Variants in SSBP2 observed in about 807,000 individuals in gnomAD.
The protein encoded by SSBP2 is single stranded DNA binding protein 2.
A neutral mutation model predicts 61.8 loss-of-function variants in SSBP2; 17 were observed. The ratio of observed to expected loss-of-function variants is 0.28; its 90% CI spans 0.19 to 0.41. SSBP2 has a LOEUF of 0.41. SSBP2 is among the 10% of genes least tolerant of loss of function. The pLI is 1.00. For synonymous variants in SSBP2, 139 were observed against 141.3 expected (o/e 0.98, Z 0.12); for missense variants, 310 against 458.7 (o/e 0.68, Z 2.96).
chr5:81,670,802 C>T (rs1231893692), intron 1 of SSBP2, among the ~76,000 whole-genome samples: 1 of 152,126 alleles, frequency 6.6e-6, no homozygotes, highest in Non-Finnish European at 1.5e-5. Flanking sequence ...TTACCTTCTT[C>T]TTTAATGTTT....
intron 6 of SSBP2, among the ~76,000 whole-genome samples, chr5:81,486,618 T>C (rs1389018192): frequency 6.6e-6 from 1 of 152,174 alleles, no homozygotes; most frequent in Non-Finnish European, 1.5e-5. Flanking sequence ...AGATGCACAT[T>C]TCTTTAAAAA....
intron 4 of SSBP2, among the ~76,000 whole-genome samples, chr5:81,608,597 T>C (rs1745112625): frequency 6.6e-6 from 1 of 152,208 alleles, no homozygotes; most frequent in East Asian, 1.9e-4. Context: ...TGACATGTCC[T>C]TAACTTCTCC....
intron 4 of SSBP2, among the ~76,000 whole-genome samples, chr5:81,548,665 G>C (rs559773713): frequency 6.6e-6 from 1 of 152,304 alleles, no homozygotes; most frequent in Admixed American, 6.5e-5. Flanking sequence ...GCTCACGCCT[G>C]TAATCCCAGC....
At chr5:81,561,549 C>T (rs928746923) in intron 4 of SSBP2, among the ~76,000 whole-genome samples, 1 of 151,880 alleles carries the variant, frequency 6.6e-6, no homozygotes, top group East Asian at 1.9e-4. Context: ...AGTTAATTCT[C>T]TTCTACTAAG....
chr5:81,537,344 A>G (rs2154113269), intron 4 of SSBP2, among the ~76,000 whole-genome samples: 1 of 152,264 alleles, frequency 6.6e-6, no homozygotes, highest in African/African-American at 2.4e-5. Context: ...GACAATTCTC[A>G]TATGAATTTG....
chr5:81,454,579 C>A (rs989442555), intron 10 of SSBP2, among the ~76,000 whole-genome samples: 2 of 151,678 alleles, frequency 1.3e-5, no homozygotes, highest in African/African-American at 2.4e-5. Context: ...TACTCGGGAG[C>A]CTGAGACAAG....
At chr5:81,750,767 G>T in intron 1 of SSBP2, 1 of 564,516 alleles carries the variant, frequency 1.8e-6, no homozygotes, top group South Asian at 2.1e-5. Context: ...CCCTCCCGCC[G>T]ACAGCCCCCT....
In SSBP2 at chr5:81,698,977, C is replaced by T. The variant is rs148919353; in HGVS notation, c.63-48638G>A. Among the ~76,000 whole-genome samples the T allele has an allele frequency of 2.0e-5, 3 of 152,314 alleles. No homozygotes were observed. The East Asian group carries it at 5.8e-4, about 29-fold the overall frequency. Reference sequence around the variant, plus strand: ...CATATACTGTGGGTTCAGTTCCAGACCACTGCAGTAAAGTGAACACTACAA... The same window carrying T: ...CATATACTGTGGGTTCAGTTCCAGATCACTGCAGTAAAGTGAACACTACAA... On this transcript the variant is annotated intron_variant, in intron 1 of 16. Coordinates refer to ENST00000320672, the MANE Select transcript of SSBP2 (RefSeq NM_012446.5).
intron 2 of SSBP2, among the ~76,000 whole-genome samples, chr5:81,639,204 A>C (rs1010884269): frequency 2.0e-5 from 3 of 152,242 alleles, no homozygotes; most frequent in African/African-American, 7.2e-5. Flanking sequence ...AGAAGAAGAC[A>C]TAAGTCTCTC....
At chr5:81,590,061 T>A (rs1180205107) in intron 4 of SSBP2, among the ~76,000 whole-genome samples, 1 of 152,122 alleles carries the variant, frequency 6.6e-6, no homozygotes, top group Admixed American at 6.5e-5. Context: ...GGACCTATAT[T>A]TTTCTACTTC....
chr5:81,658,401 C>T (rs390171), intron 1 of SSBP2, among the ~76,000 whole-genome samples: 73,249 of 151,956 alleles, frequency 0.48, 20,128 homozygotes, highest in African/African-American at 0.74. Flanking sequence ...CCCCCACAGA[C>T]ACCAAAATCC....
chr5:81,750,373 C>G, intron 1 of SSBP2, among the ~76,000 whole-genome samples: 1 of 146,504 alleles, frequency 6.8e-6, no homozygotes, highest in South Asian at 2.1e-4. Context: ...CGCGTCTCCG[C>G]GCCCCGCGGG....
intron 4 of SSBP2, among the ~76,000 whole-genome samples, chr5:81,539,278 C>A (rs1020150360): frequency 2.0e-5 from 3 of 152,074 alleles, no homozygotes; most frequent in African/African-American, 7.2e-5. Flanking sequence ...ACAAGTGGAG[C>A]CTGAAGATGT....
At chr5:81,623,601 C>G (rs1463115582) in intron 3 of SSBP2, among the ~76,000 whole-genome samples, 1 of 152,064 alleles carries the variant, frequency 6.6e-6, no homozygotes, top group African/African-American at 2.4e-5. Context: ...TCCCAAAGTG[C>G]TGGGATTACA....
chr5:81,586,891 A>C (rs539041769), intron 4 of SSBP2, among the ~76,000 whole-genome samples: 2 of 152,054 alleles, frequency 1.3e-5, no homozygotes, highest in East Asian at 1.9e-4. Context: ...GATCAGCCCC[A>C]GTAAAAATCT....
intron 1 of SSBP2, among the ~76,000 whole-genome samples, chr5:81,675,893 A>G (rs1424011824): frequency 6.6e-6 from 1 of 152,056 alleles, no homozygotes; most frequent in Non-Finnish European, 1.5e-5. Flanking sequence ...TAAAATATCA[A>G]CATTCCCTAA....
chr5:81,650,358 AT>A lies in SSBP2; in HGVS notation c.63-20del. 6.8e-7 allele frequency: 1 copy of A among 1,475,356 alleles called. No homozygotes were observed. The highest frequency in any genetic ancestry group is 9.2e-7 in the Non-Finnish European group (1 of 1,088,712). The allele number at this position is 1,475,356 out of a possible 1,614,324, so 91.4% of individuals were successfully genotyped here. On this transcript the variant is annotated intron_variant, in intron 1 of 16. Transcript: ENST00000320672. The stretch of plus-strand genomic sequence containing the variant: ...TGCTAACCTGGAAAACAAATAAAAT[AT>A]TTATTGAGAAGAGGAATATTAAAAT...
At chr5:81,699,783 T>C (rs1753841206) in intron 1 of SSBP2, among the ~76,000 whole-genome samples, 1 of 152,134 alleles carries the variant, frequency 6.6e-6, no homozygotes, top group African/African-American at 2.4e-5. Flanking sequence ...TCCAGAAAAT[T>C]TTAAATTTAC....
At chr5:81,667,060 G>A (rs1035493412) in intron 1 of SSBP2, among the ~76,000 whole-genome samples, 2 of 151,750 alleles carry the variant, frequency 1.3e-5, no homozygotes, top group African/African-American at 2.4e-5. Flanking sequence ...TTTTAGACAC[G>A]GGACAAAAGG....
Sources: allele counts gnomAD v4.1 joint callset (sites outside exome capture counted in the v4.1 genomes callset), GRCh38; gene constraint gnomAD v4.1.1; transcripts MANE v1.5; gene names NCBI Gene and HGNC (gene_info 2026-07-23, HGNC 2026-07-21).